Variants in MAML3 observed in about 807,000 individuals in gnomAD.
MAML3 encodes mastermind-like protein 3.
In MAML3, 27 loss-of-function variants were observed where a neutral mutation model predicts 101.9. That is an observed-to-expected ratio of 0.27 (90% CI 0.20 to 0.37). The LOEUF (loss-of-function observed/expected upper bound fraction) is 0.37. Among genes scored for constraint, MAML3 ranks in the 10% least tolerant of loss-of-function variants. The pLI is 1.00. For synonymous variants in MAML3, 501 were observed against 555.9 expected (o/e 0.90, Z 1.39); for missense variants, 1,316 against 1,444.9 (o/e 0.91, Z 1.45).
intron 1 of MAML3, among the ~76,000 whole-genome samples, chr4:140,049,672 CT>C (rs34353980): frequency 2.0e-5 from 3 of 150,220 alleles, no homozygotes; most frequent in South Asian, 2.1e-4. Context: ...TGTTGCCTTC[CT>C]TTTTTTTTAA....
intron 1 of MAML3, among the ~76,000 whole-genome samples, chr4:140,132,258 G>C (rs957748623): frequency 6.6e-5 from 10 of 152,210 alleles, no homozygotes; most frequent in Non-Finnish European, 1.5e-4. Flanking sequence ...AATCCACAAG[G>C]AGCTCAGTAA....
rs535008989 is a variant in MAML3 at position 139,894,684 on chromosome 4, G to A, written c.469-3717C>T. Among the ~76,000 whole-genome samples, 11 of 151,758 alleles carry A rather than the reference G, an allele frequency of 7.2e-5. No homozygotes were observed. In the South Asian group the frequency reaches 1.0e-3, roughly 14 times the overall value. On this transcript the variant is annotated intron_variant, in intron 1 of 4. Transcript: ENST00000509479. The stretch of plus-strand genomic sequence containing the variant: ...GTCATTTGATAGAGACCCTCGAACT[G>A]CTGAACACAAGGCCCTAACGGGAAC...
At chr4:140,081,480 G>C (rs1727861154) in intron 1 of MAML3, among the ~76,000 whole-genome samples, 1 of 152,130 alleles carries the variant, frequency 6.6e-6, no homozygotes, top group Non-Finnish European at 1.5e-5. Flanking sequence ...TATTAAGCAA[G>C]TTGCTTTCAA....
At chr4:139,754,933 G>A (rs1296490488) in intron 2 of MAML3, among the ~76,000 whole-genome samples, 1 of 152,212 alleles carries the variant, frequency 6.6e-6, no homozygotes, top group Non-Finnish European at 1.5e-5. Context: ...GAGCAGGCAT[G>A]GTCGGCCTCT....
intron 2 of MAML3, among the ~76,000 whole-genome samples, chr4:139,858,723 C>G (rs929660613): frequency 3.9e-5 from 6 of 152,132 alleles, no homozygotes; most frequent in Non-Finnish European, 8.8e-5. Context: ...CTGCTCCCGA[C>G]CGCTCTGTGA....
At chr4:139,973,507 A>G (rs1441660476) in intron 1 of MAML3, among the ~76,000 whole-genome samples, 1 of 152,206 alleles carries the variant, frequency 6.6e-6, no homozygotes, top group African/African-American at 2.4e-5. Flanking sequence ...TCTGGACCAC[A>G]GACTCTTGGA....
chr4:140,090,251 A>G (rs780267437), intron 1 of MAML3, among the ~76,000 whole-genome samples: 1 of 152,104 alleles, frequency 6.6e-6, no homozygotes, highest in Non-Finnish European at 1.5e-5. Context: ...TCCAGTGTGG[A>G]ATATCCAACA....
intron 1 of MAML3, among the ~76,000 whole-genome samples, chr4:139,993,282 G>A (rs1442767361): frequency 2.0e-5 from 3 of 151,604 alleles, no homozygotes; most frequent in African/African-American, 4.9e-5. Flanking sequence ...AACCCAAGAG[G>A]TGGAGGTTGC....
chr4:139,849,147 A>G (rs1251440813), intron 2 of MAML3, among the ~76,000 whole-genome samples: 1 of 152,176 alleles, frequency 6.6e-6, no homozygotes, highest in Non-Finnish European at 1.5e-5. Flanking sequence ...ATGGATTCCT[A>G]TTTAATAGTA....
intron 1 of MAML3, among the ~76,000 whole-genome samples, chr4:139,967,962 C>CAA (rs200126630): frequency 9.7e-6 from 1 of 102,922 alleles, no homozygotes; most frequent in East Asian, 2.3e-4. Context: ...GACCCTGTCT[C>CAA]AAAAAAAAAA....
At chr4:139,804,869 T>G (rs143727763) in intron 2 of MAML3, among the ~76,000 whole-genome samples, 126 of 152,264 alleles carry the variant, frequency 8.3e-4, no homozygotes, top group African/African-American at 2.8e-3. Flanking sequence ...TGTTTAGTAC[T>G]CACAAATAAC....
chr4:139,747,548 G>T (rs1419417897), intron 2 of MAML3, among the ~76,000 whole-genome samples: 1 of 152,054 alleles, frequency 6.6e-6, no homozygotes, highest in Non-Finnish European at 1.5e-5. Context: ...ACAAAAATTA[G>T]CCGGCTGTGG....
intron 2 of MAML3, among the ~76,000 whole-genome samples, chr4:139,758,965 T>C (rs1247336539): frequency 6.6e-6 from 1 of 152,216 alleles, no homozygotes. Flanking sequence ...CTACAAGACA[T>C]TTTGTTAGAT....
In MAML3 at chr4:140,154,127, G is replaced by GCCTCCT. The variant is rs939753355; in HGVS notation, c.-806_-801dup. The GCCTCCT allele has an allele frequency of 1.0e-4, 18 of 179,110 alleles. No individual in the cohort carries two copies. Among genetic ancestry groups the GCCTCCT allele is most frequent in the African/African-American group, 4.1e-4 (17 of 41,832 alleles). The allele number at this position is 179,110 out of a possible 1,614,324, so 11.1% of individuals were successfully genotyped here. Reference sequence around the variant, plus strand: ...ACTGCTCGCCGCCGCCGCCGCCGCCGCCTCCTCCTCCTCCTCTCGCTCCTC... The same window carrying GCCTCCT: ...ACTGCTCGCCGCCGCCGCCGCCGCCGCCTCCTCCTCCTCCTCCTCCTCTCGCTCCTC... On this transcript the variant is annotated 5_prime_UTR_variant, in exon 1 of 5. Transcript: ENST00000509479.
intron 1 of MAML3, among the ~76,000 whole-genome samples, chr4:140,000,037 T>C (rs946160936): frequency 5.3e-5 from 8 of 152,190 alleles, no homozygotes; most frequent in African/African-American, 1.9e-4. Context: ...TTTAAAAGTC[T>C]CTCCCCCAAA....
At chr4:139,973,242 A>G (rs1220993052) in intron 1 of MAML3, among the ~76,000 whole-genome samples, 3 of 152,184 alleles carry the variant, frequency 2.0e-5, no homozygotes, top group African/African-American at 4.8e-5. Flanking sequence ...TTGGGCTTTA[A>G]AAGAGTTCTC....
At chr4:139,938,535 A>T (rs1223571843) in intron 1 of MAML3, among the ~76,000 whole-genome samples, 1 of 152,204 alleles carries the variant, frequency 6.6e-6, no homozygotes, top group African/African-American at 2.4e-5. Context: ...CACATAACAT[A>T]TCATAATAGT....
chr4:139,823,006 G>A (rs1731001326), intron 2 of MAML3, among the ~76,000 whole-genome samples: 4 of 151,854 alleles, frequency 2.6e-5, no homozygotes, highest in Admixed American at 2.6e-4. Flanking sequence ...CATGACAGGA[G>A]GAAAAAAACA....
chr4:140,072,125 T>C (rs1347057468), intron 1 of MAML3, among the ~76,000 whole-genome samples: 5 of 152,076 alleles, frequency 3.3e-5, no homozygotes, highest in Admixed American at 3.3e-4. Flanking sequence ...CATTGATAGG[T>C]CTCAGTAGCT....
Sources: gnomAD v4.1 joint callset for allele counts (sites outside exome capture counted in the v4.1 genomes callset) on GRCh38, gnomAD v4.1.1 for gene constraint, MANE v1.5 for transcripts, NCBI Gene and HGNC (gene_info 2026-07-23, HGNC 2026-07-21) for gene names.